The following DNHD1 variants were observed in gnomAD, a reference collection of about 807,000 sequenced individuals.
The protein encoded by DNHD1 is dynein heavy chain domain-containing protein 1.
DNHD1 carries 383 observed loss-of-function variants against 458.1 expected under a neutral mutation model. That is an observed-to-expected ratio of 0.84 (90% CI 0.77 to 0.91). The LOEUF is 0.91. Among genes scored for constraint, DNHD1 ranks in the 40% least tolerant of loss-of-function variants. The pLI is 0.00. For synonymous variants in DNHD1, 2,203 were observed against 2,376.9 expected, an observed-to-expected ratio of 0.93 and a Z score of 2.13; for missense variants, 5,336 against 5,866.1, an observed-to-expected ratio of 0.91 and a Z score of 2.95.
At chr11:6,569,221 A>C (rs1291541336) in intron 39 of DNHD1, among the ~76,000 whole-genome samples, 1 of 152,204 alleles carries the variant, frequency 6.6e-6, no homozygotes, top group African/African-American at 2.4e-5. Flanking sequence ...ACAGTGGCTC[A>C]TGCCTGTAAT....
At chr11:6,550,486 C>T (rs186899857) in intron 24 of DNHD1, among the ~76,000 whole-genome samples, 63 of 152,102 alleles carry the variant, frequency 4.1e-4, no homozygotes, top group African/African-American at 1.3e-3. Flanking sequence ...GAGTGACAAC[C>T]ACCAGAACAT....
intron 25 of DNHD1, 38 bp from the exon 26 acceptor site, chr11:6,558,447 G>A (rs973820026): frequency 2.6e-5 from 40 of 1,549,222 alleles, no homozygotes; most frequent in Non-Finnish European, 3.3e-5. Flanking sequence ...GGCAAGCAAA[G>A]GTAAAGGGGA....
At position 6,558,251 on chromosome 11, in the gene DNHD1, A is replaced by T. The variant is rs1589892500; in HGVS notation, c.8956A>T (p.Asn2986Tyr). ...DRIGEHLPRE[N>Y]LGVKQNIKKE... ...CATTGGAGAACACCTCCCCAGGGAG[A>T]ACCTTGGTGTCAAACAGAACATCAA... Residue 2986 changes from asparagine to tyrosine, a missense_variant, in exon 25 of 43, where the codon AAC becomes TAC. By Grantham distance (143) the Asn-to-Tyr change is moderately radical. This residue lies in a region of DNHD1 where 3,932 missense variants were observed against 4,365.6 expected (regional missense o/e 0.90). Coordinates refer to ENST00000254579, the MANE Select transcript of DNHD1 (RefSeq NM_144666.3). The T allele has an allele frequency of 6.4e-7, 1 of 1,551,618 alleles. No homozygotes were observed. The highest frequency in any genetic ancestry group is 1.4e-5 in the African/African-American group (1 of 73,140).
At chr11:6,503,310 T>C in intron 4 of DNHD1, 1 of 164,284 alleles carries the variant, frequency 6.1e-6, no homozygotes, top group South Asian at 1.9e-4. Flanking sequence ...CAGGAAAATT[T>C]TTTTCCAGGT....
At position 6,533,198 on chromosome 11, in the gene DNHD1, A is replaced by C; in HGVS notation, c.2505+14A>C. 1 of 1,550,376 alleles carries C rather than the reference A, an allele frequency of 6.5e-7. No individual in the cohort carries two copies. The highest frequency in any genetic ancestry group is 8.7e-7 in the Non-Finnish European group (1 of 1,146,486). ...TGCACCCAGAAGGTGGGCTCTCCCC[A>C]TCCATCCTTCCCAGTTTATTCAGGG... On this transcript the variant is annotated intron_variant, in intron 13 of 42. Transcript: ENST00000254579.
chr11:6,503,093 C>G lies in DNHD1; in HGVS notation c.920+167C>G, dbSNP rs1852170082. 2.6e-5 allele frequency: 17 copies of G among 653,306 alleles called. No individual in the cohort carries two copies. In the South Asian group the frequency reaches 4.1e-4, roughly 16 times the overall value. The allele number at this position is 653,306 out of a possible 1,614,324, so 40.5% of individuals were successfully genotyped here. The stretch of plus-strand genomic sequence containing the variant: ...CTCTTCCCTTCTCCTCAGCCTCCTC[C>G]TCCTTTCCACTCTCTACCTCCCCTT... On this transcript the variant is annotated intron_variant, in intron 4 of 42. Coordinates refer to ENST00000254579, the MANE Select transcript of DNHD1 (RefSeq NM_144666.3).
At chr11:6,517,046 C>T (rs765547948) in intron 7 of DNHD1, among the ~76,000 whole-genome samples, 3 of 152,200 alleles carry the variant, frequency 2.0e-5, no homozygotes, top group Non-Finnish European at 2.9e-5. Context: ...GGAAGTCCAA[C>T]ATCAAGGTGA....
intron 37 of DNHD1, 40 bp downstream of exon 37, chr11:6,568,282 T>C (rs1853756638): frequency 6.5e-7 from 1 of 1,531,816 alleles, no homozygotes; most frequent in Non-Finnish European, 8.8e-7. Context: ...GATCCTATCC[T>C]ACACTTGGGC....
Position 6,564,682 on chromosome 11 carries a change from C to T in DNHD1, c.10634C>T (p.Thr3545Ile). Reference protein sequence around the residue: ...HLAGLLLRSPTHYSSCRWPLL... With the variant: ...HLAGLLLRSPIHYSSCRWPLL... ...GCAGGCTTGCTTCTGCGAAGCCCCA[C>T]ACACTACAGTAGTTGCCGTTGGCCT... Residue 3545 changes from threonine (T) to isoleucine (I), a missense_variant, in exon 32 of 43, where the codon ACA becomes ATA. Coordinates refer to ENST00000254579, the MANE Select transcript of DNHD1 (RefSeq NM_144666.3). 1 of 1,551,728 alleles carries T rather than the reference C, an allele frequency of 6.4e-7. No individual in the cohort carries two copies. The highest frequency in any genetic ancestry group is 8.7e-7 in the Non-Finnish European group (1 of 1,147,006).
intron 28 of DNHD1, 69 bp downstream of exon 28, chr11:6,559,352 G>A: frequency 2.2e-6 from 3 of 1,336,332 alleles, no homozygotes; most frequent in African/African-American, 1.5e-5. Flanking sequence ...TTGAAAGGAA[G>A]CAACCAGAAT....
chr11:6,546,304 T>C lies in DNHD1; in HGVS notation c.5365T>C (p.Phe1789Leu), dbSNP rs1853216606. The part of the protein sequence containing the change: ...PTQPQLLGSS[F>L]FEKHHVSVRL... ...CCAGCCCCAGCTCCTTGGCAGTAGCTTCTTTGAAAAACATCACGTGTCTGT... is the reference window on the plus strand; with the variant it reads ...CCAGCCCCAGCTCCTTGGCAGTAGCCTCTTTGAAAAACATCACGTGTCTGT... Residue 1789 changes from phenylalanine to leucine, a missense_variant, in exon 21 of 43, where the codon TTC becomes CTC. By Grantham distance (22) the Phe-to-Leu change is conservative. Coordinates refer to ENST00000254579, the MANE Select transcript of DNHD1 (RefSeq NM_144666.3). 6.4e-7 allele frequency: 1 copy of C among 1,552,380 alleles called. No individual in the cohort carries two copies. The highest frequency in any genetic ancestry group is 8.7e-7 in the Non-Finnish European group (1 of 1,147,138).
Position 6,568,439 on chromosome 11 carries a change from CTT to C in DNHD1, c.12539-14_12539-13del. 1 of 1,612,742 alleles carries C rather than the reference CTT, an allele frequency of 6.2e-7. No homozygotes were observed. On this transcript the variant is annotated splice_polypyrimidine_tract_variant and intron_variant, in intron 37 of 42. Transcript: ENST00000254579. Reference sequence around the variant, plus strand: ...TTTATCCAAGGACTGATCTCAGACCCTTGTCTGACTCTAGTGGTTGCAGACCT... The same window carrying C: ...TTTATCCAAGGACTGATCTCAGACCCGTCTGACTCTAGTGGTTGCAGACCT...
At chr11:6,532,600 G>T (rs1852848715) in intron 12 of DNHD1, among the ~76,000 whole-genome samples, 1 of 152,110 alleles carries the variant, frequency 6.6e-6, no homozygotes, top group Admixed American at 6.5e-5. Flanking sequence ...TCTTTTTGGA[G>T]AATTAATACT....
At chr11:6,540,337 TG>T (rs1042820220) in intron 18 of DNHD1, among the ~76,000 whole-genome samples, 1 of 152,248 alleles carries the variant, frequency 6.6e-6, no homozygotes, top group Non-Finnish European at 1.5e-5. Context: ...CTCCCCTTTC[TG>T]GGTACCCTCA....
Position 6,545,607 on chromosome 11 carries a change from C to A in DNHD1, c.4668C>A (p.Ser1556=). Residue 1556 remains serine (S), a synonymous_variant, in exon 21 of 43, where the codon TCC becomes TCA. Coordinates refer to ENST00000254579, the MANE Select transcript of DNHD1 (RefSeq NM_144666.3). This position sits in a 1 kb window ranked among gnomAD's most constrained non-coding sequence, Gnocchi z 4.9. ...LVNFMRAQRA[S]QGGQSLPSVR... is the part of the protein sequence containing the mutation. Reference sequence around the variant, plus strand: ...ATTTTATGCGGGCCCAGAGGGCTTCCCAAGGTGGGCAGTCCCTGCCTTCTG... The same window carrying A: ...ATTTTATGCGGGCCCAGAGGGCTTCACAAGGTGGGCAGTCCCTGCCTTCTG... The A allele has an allele frequency of 6.4e-7, 1 of 1,551,880 alleles. No individual in the cohort carries two copies. The highest frequency in any genetic ancestry group is 8.7e-7 in the Non-Finnish European group (1 of 1,147,030).
Position 6,568,104 on chromosome 11 carries a change from C to G in DNHD1, c.12400C>G (p.Pro4134Ala). The G allele has an allele frequency of 6.4e-7, 1 of 1,573,392 alleles. No homozygotes were observed. The highest frequency in any genetic ancestry group is 8.6e-7 in the Non-Finnish European group (1 of 1,158,394). Residue 4134 changes from proline (P) to alanine (A), a missense_variant, in exon 37 of 43, where the codon CCA (proline) becomes GCA (alanine). Pro to Ala is a conservative substitution (Grantham distance 27). Transcript: ENST00000254579. ...VIALGSEAWD[P>A]VSVVVSTLSQ... ...AGCCCTGGGCTCTGAAGCCTGGGAC[C>G]CAGTCTCAGTTGTGGTCAGCACTCT...
rs560959565 is a variant in DNHD1, at chr11:6,562,928, G to T, written c.9520-54G>T. 7.2e-6 allele frequency: 11 copies of T among 1,527,630 alleles called. No homozygotes were observed. In the African/African-American group the frequency reaches 1.4e-4, roughly 19 times the overall value. 94.6% of individuals were successfully genotyped at this position (1,527,630 alleles called of 1,614,324 possible). ...TTCCAGGATCATAGGGTCTTCTGGG[G>T]TTTCCCGCGTGGCCCAAGATCTGGA... On this transcript the variant is annotated intron_variant, in intron 28 of 42. Coordinates refer to ENST00000254579, the MANE Select transcript of DNHD1 (RefSeq NM_144666.3).
rs373410649 is a variant in DNHD1, at chr11:6,501,942, G to A, written c.747-811G>A. ...ATTGTTGATATGAATTCTAGAATAG[G>A]ATTGCACTGTTATCCCTGGGGAAAC... On this transcript the variant is annotated intron_variant, in intron 3 of 42. Transcript: ENST00000254579. Among the ~76,000 whole-genome samples, 174 of 152,292 alleles carry A rather than the reference G, an allele frequency of 1.1e-3. 4 individuals carry two copies. The South Asian group carries it at 0.035, about 31-fold the overall frequency.
intron 16 of DNHD1, 139 bp downstream of exon 16, chr11:6,538,949 T>C: frequency 9.7e-7 from 1 of 1,034,116 alleles, no homozygotes; most frequent in East Asian, 2.7e-5. Context: ...CATATTTCAA[T>C]TTCTTTTCCT....
Sources: gnomAD v4.1 joint callset for allele counts (sites outside exome capture counted in the v4.1 genomes callset) on GRCh38, gnomAD v4.1.1 for gene constraint, gnomAD v4.1.1 regional missense constraint, Gnocchi (gnomAD v3.1) non-coding constraint, MANE v1.5 for transcripts, NCBI Gene and HGNC (gene_info 2026-07-23, HGNC 2026-07-21) for gene names.